The following GRIN2B variants were observed in gnomAD, a reference collection of about 807,000 sequenced individuals.
GRIN2B encodes glutamate ionotropic receptor NMDA type subunit 2B.
Under a neutral mutation model 114.5 loss-of-function variants are expected in GRIN2B, and 5 were observed. The ratio of observed to expected loss-of-function variants is 0.04; its 90% CI spans 0.02 to 0.09. The LOEUF is 0.09. Ranked by LOEUF, GRIN2B falls within the 10% of genes least tolerant of loss-of-function variation. The pLI is 1.00. For missense variants in GRIN2B, 1,108 were observed against 1,943.5 expected (o/e 0.57, Z 8.08); for synonymous variants, 787 against 745.1 (o/e 1.06, Z -0.92).
chr12:13,677,436 AT>A (rs1233304787), intron 4 of GRIN2B, among the ~76,000 whole-genome samples: 1 of 152,118 alleles, frequency 6.6e-6, no homozygotes, highest in Non-Finnish European at 1.5e-5. Flanking sequence ...ATCACTTCTC[AT>A]TTCCAGAACT....
chr12:13,882,786 C>T (rs1866090583), intron 2 of GRIN2B, among the ~76,000 whole-genome samples: 1 of 152,166 alleles, frequency 6.6e-6, no homozygotes, highest in Non-Finnish European at 1.5e-5. Context: ...AATTTGCATA[C>T]ATTAAAATTC....
intron 4 of GRIN2B, among the ~76,000 whole-genome samples, chr12:13,727,029 T>A (rs989419078): frequency 1.2e-4 from 19 of 152,088 alleles, no homozygotes; most frequent in Non-Finnish European, 1.6e-4. Flanking sequence ...CTCAACAAGA[T>A]TAAATAACTA....
At chr12:13,716,448 C>T (rs938741540) in intron 4 of GRIN2B, among the ~76,000 whole-genome samples, 2 of 151,836 alleles carry the variant, frequency 1.3e-5, no homozygotes, top group African/African-American at 2.4e-5. Flanking sequence ...AGCTATCTCA[C>T]AGTGGCACCT....
Position 13,564,671 on chromosome 12 carries a change from T to C in GRIN2B, c.2599-32A>G. On this transcript the variant is annotated intron_variant, in intron 13 of 13. Coordinates refer to ENST00000609686, the MANE Select transcript of GRIN2B (RefSeq NM_000834.5). This position sits in a 1 kb window ranked among gnomAD's most constrained non-coding sequence, Gnocchi z 4.8. ...CAAGAATGGAGGGACAGGTTAGATCTCCAGAGAGGCTAGAAATGACCACAA... is the reference window on the plus strand; with the variant it reads ...CAAGAATGGAGGGACAGGTTAGATCCCCAGAGAGGCTAGAAATGACCACAA... 1.9e-6 allele frequency: 3 copies of C among 1,600,004 alleles called. No homozygotes were observed. Among genetic ancestry groups the C allele is most frequent in the Non-Finnish European group, 2.6e-6 (3 of 1,169,138 alleles).
chr12:13,863,570 T>G (rs1865780815), intron 3 of GRIN2B, among the ~76,000 whole-genome samples: 2 of 152,212 alleles, frequency 1.3e-5, no homozygotes, highest in Non-Finnish European at 2.9e-5. Flanking sequence ...ATAATATCAC[T>G]TAGGTCGCTA....
intron 3 of GRIN2B, among the ~76,000 whole-genome samples, chr12:13,815,375 G>GA (rs3216542): frequency 8.1e-4 from 106 of 131,322 alleles, no homozygotes; most frequent in South Asian, 2.6e-3. Flanking sequence ...GAACAGACAA[G>GA]AAAAAAAAAA....
At chr12:13,683,437 T>C (rs2136548649) in intron 4 of GRIN2B, 1 of 152,284 alleles carries the variant, frequency 6.6e-6, no homozygotes, top group African/African-American at 2.4e-5. Context: ...CTGTGTGGTC[T>C]TGCAAGTTAT....
rs369299730 is a variant in GRIN2B, at chr12:13,564,415, G to A, written c.2823C>T (p.Phe941=). The A allele has an allele frequency of 1.2e-6, 2 of 1,614,156 alleles. No individual in the cohort carries two copies. The highest frequency in any genetic ancestry group is 2.7e-5 in the African/African-American group (2 of 74,950). The part of the protein sequence containing the change: ...VYDISEHRRS[F]THSDCKSYNN... ...TGTAGGATTTGCAGTCAGAATGCGTGAAGCTGCGGCGGTGCTCTGAGATGT... is the reference window on the plus strand; with the variant it reads ...TGTAGGATTTGCAGTCAGAATGCGTAAAGCTGCGGCGGTGCTCTGAGATGT... The change falls in exon 14 of 14, where the codon TTC becomes TTT. Residue 941 remains phenylalanine, a synonymous_variant. Transcript: ENST00000609686. The surrounding 1 kb of genome is among the most constrained non-coding windows in gnomAD (Gnocchi z 4.8).
intron 3 of GRIN2B, among the ~76,000 whole-genome samples, chr12:13,784,068 CA>C (rs1864174131): frequency 6.6e-6 from 1 of 151,610 alleles, no homozygotes; most frequent in Non-Finnish European, 1.5e-5. Context: ...CTAAAAACTA[CA>C]AAAAATTAGC....
At chr12:13,610,632 G>A (rs1758553900) in intron 9 of GRIN2B, among the ~76,000 whole-genome samples, 1 of 152,334 alleles carries the variant, frequency 6.6e-6, no homozygotes, top group Non-Finnish European at 1.5e-5. Flanking sequence ...CTTCAGTAAA[G>A]TGTTGTTTCA....
At chr12:13,949,713 G>C (rs893647007) in intron 2 of GRIN2B, among the ~76,000 whole-genome samples, 3 of 152,084 alleles carry the variant, frequency 2.0e-5, no homozygotes, top group African/African-American at 7.2e-5. Flanking sequence ...CACAAACCAC[G>C]ATGCCAAGAA....
chr12:13,633,021 G>A (rs905950209), intron 5 of GRIN2B, among the ~76,000 whole-genome samples: 7 of 152,190 alleles, frequency 4.6e-5, no homozygotes, highest in Non-Finnish European at 8.8e-5. Flanking sequence ...GGTCCCTGCT[G>A]TCAGGTGACA....
At chr12:13,754,507 G>A (rs1805554) in intron 3 of GRIN2B, among the ~76,000 whole-genome samples, 3,519 of 152,306 alleles carry the variant, frequency 0.023, 62 homozygotes, top group Middle Eastern at 0.051. Flanking sequence ...TGGTCCAGAA[G>A]GTGAATGGTA....
intron 3 of GRIN2B, among the ~76,000 whole-genome samples, chr12:13,799,536 A>G (rs1864469878): frequency 6.6e-6 from 1 of 152,184 alleles, no homozygotes; most frequent in Admixed American, 6.5e-5. Flanking sequence ...ACCCCAGGGC[A>G]TCTCTTGCCC....
At chr12:13,829,485 C>CTAA (rs1253710468) in intron 3 of GRIN2B, among the ~76,000 whole-genome samples, 1 of 152,176 alleles carries the variant, frequency 6.6e-6, no homozygotes, top group Non-Finnish European at 1.5e-5. Context: ...GAGCCCTTAA[C>CTAA]GTTGCCACTG....
chr12:13,943,313 T>C (rs889999543), intron 2 of GRIN2B, among the ~76,000 whole-genome samples: 6 of 152,184 alleles, frequency 3.9e-5, no homozygotes, highest in Non-Finnish European at 7.4e-5. Context: ...AGGATTCAAA[T>C]GCAAGGCTGT....
At chr12:13,825,496 T>TTTTTTTTGTGTGTGTGTGTGTG (rs375940899) in intron 3 of GRIN2B, among the ~76,000 whole-genome samples, 1 of 122,994 alleles carries the variant, frequency 8.1e-6, no homozygotes, top group Admixed American at 9.1e-5. Context: ...TATATATATT[T>TTTTTTTTGTGTGTGTGTGTGTG]TGTGTGTGTG....
Position 13,553,932 on chromosome 12 carries a change from A to G in GRIN2B, c.*8851T>C, listed in dbSNP as rs1948447562. On this transcript the variant is annotated 3_prime_UTR_variant, in exon 14 of 14. Coordinates refer to ENST00000609686, the MANE Select transcript of GRIN2B (RefSeq NM_000834.5). ...AGGACAAAGCACTTAGAAAAAGGACAAAGCACTTAGAAAAATCCAGATTCC... is the reference window on the plus strand; with the variant it reads ...AGGACAAAGCACTTAGAAAAAGGACGAAGCACTTAGAAAAATCCAGATTCC... The G allele has an allele frequency of 1.3e-5, 2 of 149,926 alleles. No homozygotes were observed. The highest frequency in any genetic ancestry group is 1.3e-4 in the Admixed American group (2 of 15,146). 9.3% of individuals were successfully genotyped at this position (149,926 alleles called of 1,614,324 possible). A position where few individuals can be genotyped will look rare whatever the true frequency, so the allele number is the denominator to read the frequency against.
chr12:13,858,277 C>CAAAAT (rs1565564857), intron 3 of GRIN2B, among the ~76,000 whole-genome samples: 1 of 152,140 alleles, frequency 6.6e-6, no homozygotes, highest in Non-Finnish European at 1.5e-5. Flanking sequence ...ATCATAACCT[C>CAAAAT]AAAATAACTT....
Sources: gnomAD v4.1 joint callset for allele counts (sites outside exome capture counted in the v4.1 genomes callset) on GRCh38, gnomAD v4.1.1 for gene constraint, Gnocchi (gnomAD v3.1) non-coding constraint, MANE v1.5 for transcripts, NCBI Gene and HGNC (gene_info 2026-07-23, HGNC 2026-07-21) for gene names.